The following MPP2 variants were observed in gnomAD, a reference collection of about 807,000 sequenced individuals.
The protein encoded by MPP2 is MAGUK p55 scaffold protein 2.
Under a neutral mutation model 58.5 loss-of-function variants are expected in MPP2, and 42 were observed. The ratio of observed to expected loss-of-function variants is 0.72; its 90% confidence interval spans 0.56 to 0.93. MPP2 has a LOEUF of 0.93. MPP2 is among the 40% of genes least tolerant of loss of function. MPP2 has a pLI of 0.00. For missense variants in MPP2, 632 were observed against 760.4 expected (o/e 0.83, Z 1.99); for synonymous variants, 300 against 307.8 (o/e 0.97, Z 0.26).
In MPP2 at chr17:43,907,460, C is replaced by G. The variant is rs978229808; in HGVS notation, c.-34+14G>C. The G allele has an allele frequency of 2.9e-5, 29 of 985,422 alleles. No homozygotes were observed. Among genetic ancestry groups the G allele is most frequent in the Non-Finnish European group, 3.5e-5 (29 of 830,022 alleles). The allele number at this position is 985,422 out of a possible 1,614,324, so 61.0% of individuals were successfully genotyped here. ...TTGGGATAGGAGCTGGCCCGGGGGC[C>G]GGGGGACGCCTACCTGCGCCCCGGG... On this transcript the variant is annotated intron_variant, in intron 1 of 12. Coordinates refer to ENST00000269095, the MANE Select transcript of MPP2 (RefSeq NM_005374.5).
intron 3 of MPP2, among the ~76,000 whole-genome samples, chr17:43,896,076 C>T (rs2047831771): frequency 6.6e-6 from 1 of 152,144 alleles, no homozygotes; most frequent in Non-Finnish European, 1.5e-5. Flanking sequence ...CATCCCATGC[C>T]AGGGCCAGCC....
intron 3 of MPP2, among the ~76,000 whole-genome samples, chr17:43,887,298 C>G (rs1202937077): frequency 6.6e-6 from 1 of 152,136 alleles, no homozygotes. Flanking sequence ...GTGGAAGGAT[C>G]ACTTGAACCC....
At chr17:43,890,774 G>A (rs1189415116) in intron 3 of MPP2, among the ~76,000 whole-genome samples, 1 of 151,964 alleles carries the variant, frequency 6.6e-6, no homozygotes, top group Non-Finnish European at 1.5e-5. Context: ...ATGTGAAGGT[G>A]GCTGAGGATG....
upstream of MPP2, among the ~76,000 whole-genome samples, chr17:43,908,596 C>G (rs145774809): frequency 9.0e-3 from 1,377 of 152,284 alleles, 5 homozygotes; most frequent in Middle Eastern, 0.041. Flanking sequence ...ACAAAATTAG[C>G]TGGGCGTGGT....
Position 43,880,558 on chromosome 17 carries a change from C to T in MPP2, c.1150+133G>A. The stretch of plus-strand genomic sequence containing the variant: ...CCCCTAACCACCCACAGAGGGCGTG[C>T]ACCCCAACCCGTGTACCCAAAGGTA... On this transcript the variant is annotated intron_variant, in intron 10 of 12. Transcript: ENST00000269095. This position sits in a 1 kb window ranked among gnomAD's most constrained non-coding sequence, Gnocchi z 5.2. 2.0e-6 allele frequency: 2 copies of T among 1,016,806 alleles called. No individual in the cohort carries two copies. The allele number at this position is 1,016,806 out of a possible 1,614,324, so 63.0% of individuals were successfully genotyped here.
intron 3 of MPP2, 86 bp from the exon 4 acceptor site, chr17:43,883,441 C>G: frequency 6.9e-7 from 1 of 1,451,566 alleles, no homozygotes; most frequent in East Asian, 2.4e-5. Flanking sequence ...AGCCCCCAGG[C>G]ATTTTCCCCA....
At position 43,880,584 on chromosome 17, in the gene MPP2, C is replaced by A. The variant is rs777553783; in HGVS notation, c.1150+107G>T. On this transcript the variant is annotated intron_variant, in intron 10 of 12. Coordinates refer to ENST00000269095, the MANE Select transcript of MPP2 (RefSeq NM_005374.5). The surrounding 1 kb of genome is among the most constrained non-coding windows in gnomAD (Gnocchi z 5.2). Reference sequence around the variant, plus strand: ...ACCCCAACCCGTGTACCCAAAGGTACCACCTGGCCTGGTGCCCATGAAGAT... The same window carrying A: ...ACCCCAACCCGTGTACCCAAAGGTAACACCTGGCCTGGTGCCCATGAAGAT... The A allele has an allele frequency of 7.5e-7, 1 of 1,327,714 alleles. No individual in the cohort carries two copies. Among genetic ancestry groups the A allele is most frequent in the Non-Finnish European group, 1.0e-6 (1 of 985,610 alleles). 82.2% of individuals were successfully genotyped at this position (1,327,714 alleles called of 1,614,324 possible).
chr17:43,889,246 A>C (rs2047496569), intron 3 of MPP2, among the ~76,000 whole-genome samples: 1 of 151,806 alleles, frequency 6.6e-6, no homozygotes, highest in Non-Finnish European at 1.5e-5. Context: ...TTTTTAAATG[A>C]TATAACAAGG....
intron 1 of MPP2, 136 bp downstream of exon 1, chr17:43,907,338 A>T (rs995982455): frequency 6.1e-6 from 6 of 984,946 alleles, no homozygotes; most frequent in Non-Finnish European, 7.2e-6. Context: ...GCGGGTGGAC[A>T]GGGAGGGAAC....
chr17:43,879,130 G>C lies in MPP2; in HGVS notation c.1482+145C>G, dbSNP rs2046982100. The C allele has an allele frequency of 9.8e-7, 1 of 1,016,476 alleles. No individual in the cohort carries two copies. The highest frequency in any genetic ancestry group is 1.6e-5 in the African/African-American group (1 of 62,414). The allele number at this position is 1,016,476 out of a possible 1,614,324, so 63.0% of individuals were successfully genotyped here. On this transcript the variant is annotated intron_variant, in intron 12 of 12. Transcript: ENST00000269095. This position sits in a 1 kb window ranked among gnomAD's most constrained non-coding sequence, Gnocchi z 4.1. ...AGACCTCCCCTTCCACATCTATGCA[G>C]GGGGGACCACGTCCTGCCTCACTGA...
At chr17:43,884,012 T>C (rs1293669984) in intron 3 of MPP2, 1 of 678,464 alleles carries the variant, frequency 1.5e-6, no homozygotes, top group Admixed American at 2.2e-5. Context: ...TCCATTTCAA[T>C]AATATATATG....
chr17:43,880,907 A>G lies in MPP2; in HGVS notation c.989-55T>C. The G allele has an allele frequency of 1.9e-6, 3 of 1,566,168 alleles. No individual in the cohort carries two copies. Among genetic ancestry groups the G allele is most frequent in the Non-Finnish European group, 2.6e-6 (3 of 1,153,860 alleles). On this transcript the variant is annotated intron_variant, in intron 9 of 12. Transcript: ENST00000269095. The surrounding 1 kb of genome is among the most constrained non-coding windows in gnomAD (Gnocchi z 5.2). ...AGGCTGCACGGTGAGGGAGGGGCGG[A>G]GCTCTCAGGGAGGCTGAGGGCAAGA...
chr17:43,878,830 C>CCAGG (rs1341096243), intron 12 of MPP2, among the ~76,000 whole-genome samples: 3 of 152,240 alleles, frequency 2.0e-5, no homozygotes, highest in Non-Finnish European at 4.4e-5. Context: ...AGCCTCTCCT[C>CCAGG]CAGGCGCTGC....
rs2047087420 is a variant in MPP2, at chr17:43,881,000, C to T, written c.988+90G>A. 1 of 1,547,968 alleles carries T rather than the reference C, an allele frequency of 6.5e-7. No homozygotes were observed. The highest frequency in any genetic ancestry group is 1.4e-5 in the African/African-American group (1 of 73,452). On this transcript the variant is annotated intron_variant, in intron 9 of 12. Transcript: ENST00000269095. The surrounding 1 kb of genome is among the most constrained non-coding windows in gnomAD (Gnocchi z 5.2). ...GGGACACGGCTGGCAGCATCTGAGC[C>T]AGGCACACGTCGTCACAGGTGATGG...
At chr17:43,901,638 A>T (rs2048100930) in intron 2 of MPP2, 1 of 962,678 alleles carries the variant, frequency 1.0e-6, no homozygotes, top group Non-Finnish European at 1.2e-6. Flanking sequence ...AGAGATTTAA[A>T]GGGACAGCTC....
At chr17:43,888,678 C>T (rs1036505955) in intron 3 of MPP2, among the ~76,000 whole-genome samples, 5 of 152,126 alleles carry the variant, frequency 3.3e-5, no homozygotes, top group Non-Finnish European at 5.9e-5. Flanking sequence ...GGATGGAGGA[C>T]AAGTTTTCCG....
chr17:43,881,202 T>G (rs894392201), intron 8 of MPP2, 42 bp downstream of exon 8: 2 of 1,613,456 alleles, frequency 1.2e-6, no homozygotes, highest in Non-Finnish European at 1.7e-6. Flanking sequence ...AGGGCCCTGT[T>G]GGATCCCAGA....
chr17:43,899,854 G>C (rs1439294489), intron 2 of MPP2, among the ~76,000 whole-genome samples: 1 of 152,214 alleles, frequency 6.6e-6, no homozygotes, highest in Non-Finnish European at 1.5e-5. Context: ...GGCAAGTTCC[G>C]GGGAAAGGAA....
At chr17:43,878,087 C>T in intron 12 of MPP2, 104 bp from the exon 13 acceptor site, 1 of 1,291,236 alleles carries the variant, frequency 7.7e-7, no homozygotes, top group Non-Finnish European at 1.1e-6. Context: ...AAAGCCCAAC[C>T]CTGGTGTGGA....
Sources: gnomAD v4.1 joint callset for allele counts (sites outside exome capture counted in the v4.1 genomes callset) on GRCh38, gnomAD v4.1.1 for gene constraint, Gnocchi (gnomAD v3.1) non-coding constraint, MANE v1.5 for transcripts, NCBI Gene and HGNC (gene_info 2026-07-23, HGNC 2026-07-21) for gene names.